PTPRQ: variants seen among roughly 807,000 people sequenced by gnomAD.
PTPRQ encodes the protein protein tyrosine phosphatase receptor type Q, also known as phosphatidylinositol phosphatase PTPRQ.
A neutral mutation model predicts 246.0 loss-of-function variants in PTPRQ; 199 were observed. That is an observed-to-expected ratio of 0.81 (90% CI 0.72 to 0.91). The LOEUF is 0.91. PTPRQ is among the 40% of genes least tolerant of loss of function. The pLI is 0.00. For missense variants in PTPRQ, 2,624 were observed against 2,528.4 expected (o/e 1.04, Z -0.81); for synonymous variants, 869 against 853.2 (o/e 1.02, Z -0.32).
rs558442407 is a variant in PTPRQ at position 80,521,282 on chromosome 12, A to G, written c.2678+10839A>G. Among the ~76,000 whole-genome samples the G allele has an allele frequency of 5.2e-3, 776 of 150,468 alleles. 4 individuals carry two copies. The highest frequency in any genetic ancestry group is 9.3e-3 in the East Asian group (48 of 5,178). ...TATTAGCCCTTTGTCAGATGAGTAG[A>G]TTGCAAAAATTTTCTCCCATTCTGA... On this transcript the variant is annotated intron_variant, in intron 17 of 44. Coordinates refer to ENST00000644991, the MANE Select transcript of PTPRQ (RefSeq NM_001145026.2).
rs1168927922 is a variant in PTPRQ, at chr12:80,619,553, A to T, written c.5389+11A>T. On this transcript the variant is annotated intron_variant, in intron 31 of 44. Transcript: ENST00000644991. The stretch of plus-strand genomic sequence containing the variant: ...TGACAGAAACAGGAGGTATCATCAC[A>T]TGTCAATTTATCTTGTTAAATTGTG... The T allele has an allele frequency of 6.6e-7, 1 of 1,506,392 alleles. No individual in the cohort carries two copies. Among genetic ancestry groups the T allele is most frequent in the Admixed American group, 2.1e-5 (1 of 47,426 alleles). 93.3% of individuals were successfully genotyped at this position (1,506,392 alleles called of 1,614,324 possible).
rs1218395860 is a variant in PTPRQ at position 80,549,646 on chromosome 12, T to C, written c.4197T>C (p.Asn1399=). The change falls in exon 25 of 45, where the codon AAT becomes AAC. Residue 1399 remains asparagine, a synonymous_variant. Transcript: ENST00000644991. ...HMYTFIKLLA[N]TSYVFKVRAS... ...ACACTTTCATAAAGCTTCTTGCCAATACCTCATATGTCTTTAAAGTAAGAG... is the reference window on the plus strand; with the variant it reads ...ACACTTTCATAAAGCTTCTTGCCAACACCTCATATGTCTTTAAAGTAAGAG... 1 of 1,551,098 alleles carries C rather than the reference T, an allele frequency of 6.4e-7. No individual in the cohort carries two copies. Among genetic ancestry groups the C allele is most frequent in the Non-Finnish European group, 8.7e-7 (1 of 1,146,612 alleles).
At position 80,472,268 on chromosome 12, in the gene PTPRQ, TG is replaced by T. The variant is rs562118304; in HGVS notation, c.1186+18del. On this transcript the variant is annotated intron_variant, in intron 8 of 44. Transcript: ENST00000644991. ...CACCAGATGGTAAGAACATAGGGAA[TG>T]AGTGAGATATTTTTGGTATGCTTAT... The T allele has an allele frequency of 5.6e-4, 862 of 1,549,952 alleles. 7 individuals carry two copies. In the African/African-American group the frequency reaches 0.011, roughly 19 times the overall value.
intron 17 of PTPRQ, among the ~76,000 whole-genome samples, chr12:80,513,527 G>A (rs1242443775): frequency 2.0e-5 from 3 of 152,114 alleles, no homozygotes; most frequent in East Asian, 3.9e-4. Context: ...CAGGATGGGG[G>A]CGTGGTGGGC....
chr12:80,556,201 G>A (rs370514159), intron 25 of PTPRQ, among the ~76,000 whole-genome samples: 194 of 152,094 alleles, frequency 1.3e-3, no homozygotes, highest in Non-Finnish European at 2.3e-3. Flanking sequence ...CTAATTTTTC[G>A]TATTTTTAGT....
At chr12:80,654,879 T>A (rs1234625734) in intron 38 of PTPRQ, among the ~76,000 whole-genome samples, 1 of 151,370 alleles carries the variant, frequency 6.6e-6, no homozygotes, top group Non-Finnish European at 1.5e-5. Flanking sequence ...TAATAATAAT[T>A]AATTTATAAT....
intron 26 of PTPRQ, among the ~76,000 whole-genome samples, chr12:80,594,051 T>C (rs906065889): frequency 5.9e-5 from 9 of 152,102 alleles, no homozygotes; most frequent in African/African-American, 2.2e-4. Context: ...AAAACATGCC[T>C]CATCAAAGAA....
chr12:80,585,309 A>G (rs992175206), intron 25 of PTPRQ, among the ~76,000 whole-genome samples: 41 of 152,252 alleles, frequency 2.7e-4, no homozygotes, highest in African/African-American at 7.0e-4. Flanking sequence ...GATATTTCAC[A>G]TACCACACAT....
intron 17 of PTPRQ, among the ~76,000 whole-genome samples, chr12:80,524,758 A>G (rs1565764050): frequency 6.6e-6 from 1 of 152,022 alleles, no homozygotes; most frequent in African/African-American, 2.4e-5. Context: ...TCCCCATTTT[A>G]TAGTTGTGGA....
chr12:80,678,937 G>GA, intron 44 of PTPRQ, 49 bp from the exon 45 acceptor site: 1 of 1,504,944 alleles, frequency 6.6e-7, no homozygotes, highest in Non-Finnish European at 8.9e-7. Flanking sequence ...TTTCAATTTT[G>GA]AACTGTTAAC....
At chr12:80,632,617 C>T (rs1193859388) in intron 34 of PTPRQ, among the ~76,000 whole-genome samples, 1 of 152,122 alleles carries the variant, frequency 6.6e-6, no homozygotes, top group Non-Finnish European at 1.5e-5. Flanking sequence ...GCAAGCAAAA[C>T]AAAGCAGCTA....
intron 25 of PTPRQ, chr12:80,584,022 C>T (rs1382727691): frequency 1.3e-5 from 2 of 152,178 alleles, no homozygotes; most frequent in African/African-American, 4.8e-5. Flanking sequence ...CTCTTTAAAG[C>T]TTTGACTTCC....
intron 23 of PTPRQ, among the ~76,000 whole-genome samples, chr12:80,546,186 G>A (rs1482857889): frequency 6.6e-6 from 1 of 152,020 alleles, no homozygotes; most frequent in African/African-American, 2.4e-5. Context: ...GGGTGTGGTG[G>A]CACATGCCTG....
intron 32 of PTPRQ, among the ~76,000 whole-genome samples, chr12:80,621,170 G>C (rs997463789): frequency 6.6e-6 from 1 of 151,626 alleles, no homozygotes; most frequent in African/African-American, 2.4e-5. Flanking sequence ...GAGAAATTAG[G>C]CAAATAAAAA....
At chr12:80,505,429 A>G (rs1894926142) in intron 14 of PTPRQ, among the ~76,000 whole-genome samples, 2 of 151,940 alleles carry the variant, frequency 1.3e-5, no homozygotes, top group Non-Finnish European at 2.9e-5. Flanking sequence ...CGGAATTAGA[A>G]TCTTGTATAT....
intron 43 of PTPRQ, 86 bp downstream of exon 43, chr12:80,673,390 AG>A: frequency 6.7e-7 from 1 of 1,483,556 alleles, no homozygotes; most frequent in South Asian, 1.4e-5. Flanking sequence ...GATGGACATG[AG>A]CTTGAAGCTG....
At chr12:80,445,174 A>T (rs894048915) in intron 2 of PTPRQ, among the ~76,000 whole-genome samples, 3 of 151,960 alleles carry the variant, frequency 2.0e-5, no homozygotes, top group African/African-American at 7.2e-5. Flanking sequence ...TTCCATTTGT[A>T]AGATTATTTC....
intron 39 of PTPRQ, among the ~76,000 whole-genome samples, chr12:80,667,135 C>G (rs1308066872): frequency 6.6e-6 from 1 of 151,924 alleles, no homozygotes; most frequent in Non-Finnish European, 1.5e-5. Flanking sequence ...TTACTCTTCC[C>G]CCTCATTTAC....
At chr12:80,539,544 T>C (rs965388782) in intron 19 of PTPRQ, among the ~76,000 whole-genome samples, 1 of 152,162 alleles carries the variant, frequency 6.6e-6, no homozygotes, top group Non-Finnish European at 1.5e-5. Context: ...TTTTATTCTT[T>C]GCTATTTTTT....
Sources: gnomAD v4.1 joint callset for allele counts (sites outside exome capture counted in the v4.1 genomes callset) on GRCh38, gnomAD v4.1.1 for gene constraint, MANE v1.5 for transcripts, NCBI Gene and HGNC (gene_info 2026-07-23, HGNC 2026-07-21) for gene names.